Variants in RGL1 observed in about 807,000 individuals in gnomAD.
RGL1 encodes ral guanine nucleotide dissociation stimulator like 1.
A neutral mutation model predicts 95.2 loss-of-function variants in RGL1; 24 were observed. The ratio of observed to expected loss-of-function variants is 0.25; its 90% CI spans 0.18 to 0.35. The LOEUF (loss-of-function observed/expected upper bound fraction) is 0.35. RGL1 is among the 10% of genes least tolerant of loss of function. The pLI, the probability that RGL1 is intolerant of heterozygous loss-of-function variation, is 1.00. For synonymous variants in RGL1, 329 were observed against 344.9 expected, an observed-to-expected ratio of 0.95 and a Z score of 0.51; for missense variants, 715 against 936.3, an observed-to-expected ratio of 0.76 and a Z score of 3.08.
intron 1 of RGL1, among the ~76,000 whole-genome samples, chr1:183,715,566 T>C (rs1460031288): frequency 6.6e-6 from 1 of 152,176 alleles, no homozygotes; most frequent in African/African-American, 2.4e-5. Flanking sequence ...ACAGAGACTA[T>C]TAACACTTTA....
chr1:183,646,798 T>C (rs1167392249), intron 1 of RGL1: 1 of 152,198 alleles, frequency 6.6e-6, no homozygotes, highest in Admixed American at 6.5e-5. Context: ...GTTACAATCA[T>C]TGGTGAAGTT....
At chr1:183,827,923 A>G (rs961517475) in intron 2 of RGL1, among the ~76,000 whole-genome samples, 1 of 152,252 alleles carries the variant, frequency 6.6e-6, no homozygotes, top group African/African-American at 2.4e-5. Context: ...CATTGGTTAC[A>G]TAATATAATG....
intron 1 of RGL1, among the ~76,000 whole-genome samples, chr1:183,637,207 A>G (rs1649603799): frequency 6.6e-6 from 1 of 152,252 alleles, no homozygotes; most frequent in African/African-American, 2.4e-5. Flanking sequence ...TTCTACATAA[A>G]TGTAAAATGC....
chr1:183,638,897 T>C (rs1485458428), intron 1 of RGL1, among the ~76,000 whole-genome samples: 1 of 152,226 alleles, frequency 6.6e-6, no homozygotes, highest in Admixed American at 6.5e-5. Context: ...AAGGCTATAA[T>C]AGGTCTTTCT....
At chr1:183,739,116 G>A (rs1285313402) in intron 1 of RGL1, among the ~76,000 whole-genome samples, 1 of 152,198 alleles carries the variant, frequency 6.6e-6, no homozygotes, top group Non-Finnish European at 1.5e-5. Context: ...GGCCCTGTGT[G>A]ACTTCATAGG....
chr1:183,797,721 T>C (rs1394778911), intron 2 of RGL1, among the ~76,000 whole-genome samples: 3 of 152,134 alleles, frequency 2.0e-5, no homozygotes, highest in African/African-American at 7.2e-5. Context: ...AAAGGAAGGT[T>C]GAAAGTTCAA....
chr1:183,811,235 C>G (rs74130638), intron 2 of RGL1, among the ~76,000 whole-genome samples: 1 of 151,996 alleles, frequency 6.6e-6, no homozygotes, highest in Non-Finnish European at 1.5e-5. Context: ...ACGAACATTC[C>G]CCAGTGCCTT....
intron 3 of RGL1, among the ~76,000 whole-genome samples, chr1:183,852,087 C>A (rs1268631882): frequency 6.6e-6 from 1 of 152,174 alleles, no homozygotes; most frequent in Non-Finnish European, 1.5e-5. Flanking sequence ...GCTAATCATA[C>A]AATAATCAGT....
At chr1:183,654,156 A>G (rs1339425945) in intron 1 of RGL1, among the ~76,000 whole-genome samples, 1 of 152,192 alleles carries the variant, frequency 6.6e-6, no homozygotes, top group Non-Finnish European at 1.5e-5. Flanking sequence ...TCTGCACCAC[A>G]GCACACATCC....
intron 2 of RGL1, among the ~76,000 whole-genome samples, chr1:183,821,384 T>C (rs886572680): frequency 7.2e-5 from 11 of 152,216 alleles, no homozygotes; most frequent in African/African-American, 2.4e-4. Flanking sequence ...GTCATTATTG[T>C]AAAACTTTTT....
At chr1:183,693,070 C>T (rs1654051927) in intron 1 of RGL1, among the ~76,000 whole-genome samples, 1 of 151,934 alleles carries the variant, frequency 6.6e-6, no homozygotes, top group South Asian at 2.1e-4. Context: ...TTCTTCTGCC[C>T]CAGCCTACTG....
chr1:183,746,046 T>A (rs2182593), intron 2 of RGL1, among the ~76,000 whole-genome samples: 1 of 150,616 alleles, frequency 6.6e-6, no homozygotes, highest in African/African-American at 2.4e-5. Context: ...GCTAAGTGCT[T>A]ATTTTTTAAC....
intron 2 of RGL1, among the ~76,000 whole-genome samples, chr1:183,819,726 G>A (rs1452702248): frequency 6.6e-6 from 1 of 151,714 alleles, no homozygotes; most frequent in African/African-American, 2.4e-5. Context: ...TAGAAAAGAA[G>A]GATGGACTTT....
intron 2 of RGL1, among the ~76,000 whole-genome samples, chr1:183,758,191 C>T (rs376566970): frequency 1.4e-5 from 2 of 144,458 alleles, no homozygotes. Flanking sequence ...GGCTTATAAA[C>T]GATAGAATTT....
At chr1:183,760,191 A>G (rs1260392604) in intron 2 of RGL1, among the ~76,000 whole-genome samples, 1 of 152,222 alleles carries the variant, frequency 6.6e-6, no homozygotes. Flanking sequence ...GTATTTCTAA[A>G]AAATGCTAAT....
intron 2 of RGL1, among the ~76,000 whole-genome samples, chr1:183,780,570 A>C (rs528093480): frequency 1.5e-4 from 23 of 152,178 alleles, no homozygotes; most frequent in Non-Finnish European, 3.1e-4. Context: ...TCAGTGCTTT[A>C]TGGGATTACC....
intron 1 of RGL1, among the ~76,000 whole-genome samples, chr1:183,683,532 C>T (rs969338119): frequency 6.6e-6 from 1 of 152,174 alleles, no homozygotes. Flanking sequence ...CCCAAGAGAT[C>T]CACTGTTAGT....
intron 8 of RGL1, among the ~76,000 whole-genome samples, chr1:183,890,314 C>CA (rs1228528138): frequency 8.6e-5 from 13 of 151,782 alleles, no homozygotes; most frequent in Admixed American, 3.3e-4. Flanking sequence ...AAAACATGAG[C>CA]AAAAAAAATT....
chr1:183,739,200 T>G (rs115232483), intron 1 of RGL1, among the ~76,000 whole-genome samples: 145 of 152,358 alleles, frequency 9.5e-4, no homozygotes, highest in African/African-American at 3.4e-3. Context: ...ATCCATTCCC[T>G]GTGATGTTTT....
Sources: gnomAD v4.1 joint callset for allele counts (sites outside exome capture counted in the v4.1 genomes callset) on GRCh38, gnomAD v4.1.1 for gene constraint, MANE v1.5 for transcripts, NCBI Gene and HGNC (gene_info 2026-07-23, HGNC 2026-07-21) for gene names.